Variants in NEK5 observed in about 807,000 individuals in gnomAD.
NEK5 encodes NIMA related kinase 5.
A neutral mutation model predicts 109.2 loss-of-function variants in NEK5; 88 were observed. The ratio of observed to expected loss-of-function variants is 0.81; its 90% CI spans 0.68 to 0.96. NEK5 has a LOEUF of 0.96. Among genes scored for constraint, NEK5 ranks in the 40% least tolerant of loss-of-function variants. The pLI, the probability that NEK5 is intolerant of heterozygous loss-of-function variation, is 0.00. For missense variants in NEK5, 834 were observed against 920.7 expected (o/e 0.91, Z 1.22); for synonymous variants, 283 against 299.9 (o/e 0.94, Z 0.58).
In NEK5 at chr13:52,110,392, T is replaced by G; in HGVS notation, c.415A>C (p.Asn139His). ...IKAQNIFLSK[N>H]GMVAKLGDFG... Reference sequence around the variant, plus strand: ...TCCCCAAGCTTTGCCACCATTCCGTTCTTGCTAAGAAAAATGTTCTATAAA... The same window carrying G: ...TCCCCAAGCTTTGCCACCATTCCGTGCTTGCTAAGAAAAATGTTCTATAAA... The change falls in exon 7 of 24, where the codon AAC becomes CAC. Residue 139 changes from asparagine (N) to histidine (H), a missense_variant. Transcript: ENST00000684899. The G allele has an allele frequency of 1.2e-5, 20 of 1,613,310 alleles. No homozygotes were observed. Among genetic ancestry groups the G allele is most frequent in the Non-Finnish European group, 1.6e-5 (19 of 1,179,310 alleles).
At chr13:52,062,738 G>A (rs1345265897) in intron 21 of NEK5, among the ~76,000 whole-genome samples, 2 of 152,016 alleles carry the variant, frequency 1.3e-5, no homozygotes, top group African/African-American at 4.8e-5. Flanking sequence ...CCTCTTCTAA[G>A]GAAAGGCTAT....
At position 52,127,646 on chromosome 13, in the gene NEK5, T is replaced by C. The variant is rs1886543; in HGVS notation, c.-74A>G. 347,536 of 557,660 alleles carry C rather than the reference T, an allele frequency of 0.62. 112,358 individuals are homozygous for C. Among genetic ancestry groups the C allele is most frequent in the Middle Eastern group, 0.68 (2,008 of 2,950 alleles). The allele number at this position is 557,660 out of a possible 1,614,324, so 34.5% of individuals were successfully genotyped here. A position where few individuals can be genotyped will look rare whatever the true frequency, so the allele number is the denominator to read the frequency against. ...GCCAAGACAGAGACAAATAACTTTC[T>C]TTGTGGCCACAGATAACTGAAATGA... On this transcript the variant is annotated 5_prime_UTR_variant, in exon 2 of 24. Transcript: ENST00000684899.
At chr13:52,104,924 T>G (rs899319810) in intron 8 of NEK5, among the ~76,000 whole-genome samples, 6 of 152,244 alleles carry the variant, frequency 3.9e-5, no homozygotes, top group Non-Finnish European at 8.8e-5. Context: ...TGGTTGATTT[T>G]GAAAGATATA....
At chr13:52,077,749 A>G (rs567760206) in intron 17 of NEK5, among the ~76,000 whole-genome samples, 5 of 152,286 alleles carry the variant, frequency 3.3e-5, no homozygotes, top group African/African-American at 1.2e-4. Context: ...TTTACCCAAA[A>G]GAAAGAAAAG....
intron 23 of NEK5, among the ~76,000 whole-genome samples, chr13:52,038,820 C>T (rs1416558648): frequency 1.3e-5 from 1 of 77,964 alleles, no homozygotes; most frequent in Admixed American, 1.7e-4. Context: ...GCAAGACACT[C>T]ATCTGAAAAA....
intron 14 of NEK5, among the ~76,000 whole-genome samples, chr13:52,088,307 T>TGCAG (rs759717245): frequency 1.3e-5 from 2 of 151,738 alleles, no homozygotes; most frequent in Non-Finnish European, 2.9e-5. Flanking sequence ...CAGGCTAGAG[T>TGCAG]GCAGTAGGGC....
Position 52,101,969 on chromosome 13 carries a change from C to T in NEK5, c.856G>A (p.Ala286Thr), listed in dbSNP as rs1955543488. The T allele has an allele frequency of 6.2e-7, 1 of 1,614,178 alleles. No homozygotes were observed. The highest frequency in any genetic ancestry group is 8.5e-7 in the Non-Finnish European group (1 of 1,180,034). ...FSHMLICRAG[A>T]PASRHAGKVV... ...TTCCCAGCATGTCGAGAAGCTGGCG[C>T]TCCTGCTCTGCATATAAGCATGTGA... The change falls in exon 11 of 24, where the codon GCG becomes ACG. Residue 286 changes from alanine to threonine, a missense_variant. Transcript: ENST00000684899.
At chr13:52,115,283 G>A (rs930595580) in intron 4 of NEK5, among the ~76,000 whole-genome samples, 3 of 151,658 alleles carry the variant, frequency 2.0e-5, no homozygotes, top group African/African-American at 7.3e-5. Flanking sequence ...TTACAAGCGT[G>A]AGCCACCGCG....
intron 7 of NEK5, 133 bp downstream of exon 7, chr13:52,110,207 T>C (rs1003386426): frequency 1.6e-6 from 1 of 627,014 alleles, no homozygotes; most frequent in Non-Finnish European, 2.8e-6. Flanking sequence ...CCATCTGATG[T>C]AATGCATTTA....
intron 23 of NEK5, among the ~76,000 whole-genome samples, chr13:52,038,825 G>GGAAAAA (rs1191087486): frequency 1.1e-5 from 1 of 94,566 alleles, no homozygotes; most frequent in Non-Finnish European, 2.0e-5. Context: ...ACACTCATCT[G>GGAAAAA]AAAAAAAAAA....
intron 12 of NEK5, among the ~76,000 whole-genome samples, chr13:52,098,008 T>G (rs1389212833): frequency 6.6e-6 from 1 of 152,164 alleles, no homozygotes; most frequent in Non-Finnish European, 1.5e-5. Flanking sequence ...TTTGCTCTCT[T>G]TCTCCTGCTC....
rs985467519 is a variant in NEK5, at chr13:52,087,443, T to C, written c.1287A>G (p.Pro429=). 3.8e-6 allele frequency: 6 copies of C among 1,576,840 alleles called. No homozygotes were observed. Among genetic ancestry groups the C allele is most frequent in the Non-Finnish European group, 5.2e-6 (6 of 1,147,472 alleles). Residue 429 remains proline, a synonymous_variant, in exon 15 of 24, where the codon CCA becomes CCG. Coordinates refer to ENST00000684899, the MANE Select transcript of NEK5 (RefSeq NM_001365552.1). ...LKVEKQLGLR[P]SSAEPNYNQR... The stretch of plus-strand genomic sequence containing the variant: ...GGTTGTAATTTGGCTCGGCAGAAGA[T>C]GGACGAAGACCCTATTTATTGAATG...
chr13:52,124,308 C>A (rs1956023322), intron 3 of NEK5, among the ~76,000 whole-genome samples: 1 of 152,112 alleles, frequency 6.6e-6, no homozygotes, highest in Admixed American at 6.5e-5. Context: ...CAAGGCAAAC[C>A]CCACTTTCTA....
At chr13:52,103,069 T>C (rs1189099935) in intron 9 of NEK5, among the ~76,000 whole-genome samples, 2 of 152,208 alleles carry the variant, frequency 1.3e-5, no homozygotes, top group South Asian at 4.1e-4. Flanking sequence ...AGACCAGAAA[T>C]CTTCTATTGT....
At position 52,055,344 on chromosome 13, in the gene NEK5, G is replaced by T. The variant is rs559069159; in HGVS notation, c.2111-5123C>A. Among the ~76,000 whole-genome samples, 11 of 152,250 alleles carry T rather than the reference G, an allele frequency of 7.2e-5. No individual in the cohort carries two copies. In the East Asian group the frequency reaches 1.3e-3, roughly 19 times the overall value. On this transcript the variant is annotated intron_variant, in intron 22 of 23. Transcript: ENST00000684899. ...CTGATTGGTGTACCTGAAAGTGATG[G>T]GGAGAATGGAACCAAGTTGGAAAAC...
At position 52,087,455 on chromosome 13, in the gene NEK5, C is replaced by CTATTTATT; in HGVS notation, c.1276-9_1276-2dup. 6.7e-7 allele frequency: 1 copy of CTATTTATT among 1,492,926 alleles called. No homozygotes were observed. The highest frequency in any genetic ancestry group is 9.3e-7 in the Non-Finnish European group (1 of 1,078,392). 92.5% of individuals were successfully genotyped at this position (1,492,926 alleles called of 1,614,324 possible). Reference sequence around the variant, plus strand: ...GCTCGGCAGAAGATGGACGAAGACCCTATTTATTGAATGAAATAATTTATA... The same window carrying CTATTTATT: ...GCTCGGCAGAAGATGGACGAAGACCCTATTTATTTATTTATTGAATGAAATAATTTATA... On this transcript the variant is annotated splice_acceptor_variant, in intron 14 of 23. Coordinates refer to ENST00000684899, the MANE Select transcript of NEK5 (RefSeq NM_001365552.1). LOFTEE classifies it high-confidence loss of function.
intron 20 of NEK5, among the ~76,000 whole-genome samples, chr13:52,071,467 G>A (rs192969646): frequency 1.2e-3 from 177 of 152,270 alleles, no homozygotes; most frequent in Non-Finnish European, 2.2e-3. Flanking sequence ...CTCTTGCAAC[G>A]TATCTCTGTA....
chr13:52,097,226 T>C (rs1305741824), intron 12 of NEK5, among the ~76,000 whole-genome samples: 2 of 152,174 alleles, frequency 1.3e-5, no homozygotes, highest in African/African-American at 2.4e-5. Flanking sequence ...AAATGTGGCA[T>C]TGGAGCCTCC....
intron 16 of NEK5, among the ~76,000 whole-genome samples, chr13:52,085,522 C>T (rs1420019744): frequency 6.6e-6 from 1 of 152,164 alleles, no homozygotes; most frequent in Non-Finnish European, 1.5e-5. Flanking sequence ...AGATCAATTT[C>T]AGCAGCATGG....
Sources: allele counts gnomAD v4.1 joint callset (sites outside exome capture counted in the v4.1 genomes callset), GRCh38; gene constraint gnomAD v4.1.1; transcripts MANE v1.5; gene names NCBI Gene and HGNC (gene_info 2026-07-23, HGNC 2026-07-21).